The following PAMR1 variants were observed in gnomAD, a reference collection of about 807,000 sequenced individuals.
PAMR1 encodes the protein inactive serine protease PAMR1.
PAMR1 carries 88 observed loss-of-function variants against 81.8 expected under a neutral mutation model. That is an observed-to-expected ratio of 1.08 (90% confidence interval 0.91 to 1.28). The LOEUF is 1.28. Ranked by LOEUF, PAMR1 falls within the 50% of genes most tolerant of loss-of-function variation. PAMR1 has a pLI of 0.00. For missense variants in PAMR1, 935 were observed against 919.7 expected, an observed-to-expected ratio of 1.02 and a Z score of -0.21; for synonymous variants, 336 against 345.3, an observed-to-expected ratio of 0.97 and a Z score of 0.30.
intron 6 of PAMR1, among the ~76,000 whole-genome samples, chr11:35,463,549 G>A (rs978690699): frequency 6.6e-6 from 1 of 152,194 alleles, no homozygotes; most frequent in African/African-American, 2.4e-5. Flanking sequence ...TTGTTGTTGT[G>A]TTCCATACAA....
In PAMR1 at chr11:35,432,666, C is replaced by T. The variant is rs199759649; in HGVS notation, c.1853G>A (p.Arg618His). 2.0e-5 allele frequency: 33 copies of T among 1,613,608 alleles called. No individual in the cohort carries two copies. In the East Asian group the frequency reaches 3.3e-4, roughly 16 times the overall value. ...RSPGFKNDTLRSGVVSVVDSL... is the reference protein window; with the variant it reads ...RSPGFKNDTLHSGVVSVVDSL... ...GTCCACCACACTGACCACCCCAGAG[C>T]GCAGTGTGTCGTTCTTGAAGCCAGG... The change falls in exon 11 of 11, where the codon CGC becomes CAC. Residue 618 changes from arginine (R) to histidine (H), a missense_variant. Physicochemically the swap from Arg to His is conservative, Grantham distance 29. Coordinates refer to ENST00000619888, the MANE Select transcript of PAMR1 (RefSeq NM_001001991.3).
chr11:35,516,249 G>A (rs1851160929), intron 1 of PAMR1, among the ~76,000 whole-genome samples: 1 of 152,152 alleles, frequency 6.6e-6, no homozygotes, highest in African/African-American at 2.4e-5. Flanking sequence ...CCTGATCAGT[G>A]TTTCAAACCA....
Position 35,434,512 on chromosome 11 carries a change from C to G in PAMR1, c.1626G>C (p.Gln542His), listed in dbSNP as rs745399689. Residue 542 changes from glutamine to histidine, a missense_variant and splice_region_variant, in exon 10 of 11, where the codon CAG becomes CAC. Coordinates refer to ENST00000619888, the MANE Select transcript of PAMR1 (RefSeq NM_001001991.3). ...DRDEKTIQSL[Q>H]ISAIILHPNY... is the part of the protein sequence containing the mutation. ...CTTCCAAGTGCAAGCCCTCTCTTAC[C>G]TGTAGGCTCTGGATGGTCTTCTCAT... 6.2e-7 allele frequency: 1 copy of G among 1,612,748 alleles called. No homozygotes were observed. The highest frequency in any genetic ancestry group is 1.1e-5 in the South Asian group (1 of 90,960).
chr11:35,507,323 AC>A (rs1420826240), intron 1 of PAMR1, among the ~76,000 whole-genome samples: 2 of 152,000 alleles, frequency 1.3e-5, no homozygotes, highest in African/African-American at 4.8e-5. Context: ...CTGGGATTAC[AC>A]GCATGAGCCA....
At chr11:35,525,314 G>C (rs1216265282) in intron 1 of PAMR1, among the ~76,000 whole-genome samples, 199 bp downstream of exon 1, 5 of 152,088 alleles carry the variant, frequency 3.3e-5, no homozygotes, top group Non-Finnish European at 7.4e-5. Context: ...GTCTCAGGGA[G>C]GGCCACAGGA....
chr11:35,461,879 C>A (rs1458035362), intron 6 of PAMR1, among the ~76,000 whole-genome samples: 1 of 152,170 alleles, frequency 6.6e-6, no homozygotes, highest in Non-Finnish European at 1.5e-5. Context: ...AGGCTCTGGG[C>A]TATCAAGTAC....
chr11:35,499,390 G>A (rs766819814), intron 1 of PAMR1, among the ~76,000 whole-genome samples: 6 of 152,006 alleles, frequency 3.9e-5, no homozygotes, highest in South Asian at 2.1e-4. Context: ...TTCACCCTGC[G>A]GCAAGCACTA....
intron 1 of PAMR1, among the ~76,000 whole-genome samples, chr11:35,495,191 T>G (rs1025571919): frequency 2.6e-5 from 4 of 152,248 alleles, no homozygotes; most frequent in African/African-American, 7.2e-5. Flanking sequence ...CGTGCCATTT[T>G]CATAGTACCT....
intron 7 of PAMR1, among the ~76,000 whole-genome samples, 192 bp downstream of exon 7, chr11:35,441,289 G>A (rs980837631): frequency 1.5e-4 from 22 of 150,932 alleles, no homozygotes; most frequent in African/African-American, 4.9e-4. Flanking sequence ...GGGAAAGCAG[G>A]TCCTCTTGAG....
At chr11:35,453,617 G>A (rs756321882) in intron 6 of PAMR1, among the ~76,000 whole-genome samples, 1 of 152,168 alleles carries the variant, frequency 6.6e-6, no homozygotes, top group Non-Finnish European at 1.5e-5. Flanking sequence ...CCTCATCAGA[G>A]CTCCTCCCCA....
chr11:35,488,520 C>G (rs1790103413), intron 3 of PAMR1, among the ~76,000 whole-genome samples: 2 of 150,760 alleles, frequency 1.3e-5, no homozygotes, highest in Admixed American at 1.3e-4. Context: ...TGCACCCGGC[C>G]TTTCCCATCT....
chr11:35,445,815 A>C (rs201226953), intron 6 of PAMR1, among the ~76,000 whole-genome samples: 1 of 152,134 alleles, frequency 6.6e-6, no homozygotes, highest in South Asian at 2.1e-4. Flanking sequence ...CATCTCTGAC[A>C]GGTTTTGTTA....
intron 3 of PAMR1, among the ~76,000 whole-genome samples, chr11:35,478,660 C>G (rs1394525895): frequency 6.6e-6 from 1 of 152,222 alleles, no homozygotes; most frequent in Non-Finnish European, 1.5e-5. Flanking sequence ...CTACACCTCT[C>G]TGTCTAGGGC....
chr11:35,461,833 T>C (rs1856661919), intron 6 of PAMR1, among the ~76,000 whole-genome samples: 1 of 152,110 alleles, frequency 6.6e-6, no homozygotes. Flanking sequence ...AGTGGCCCAC[T>C]AGCTAATGGT....
chr11:35,517,141 G>A (rs186081842), intron 1 of PAMR1, among the ~76,000 whole-genome samples: 1 of 152,216 alleles, frequency 6.6e-6, no homozygotes, highest in East Asian at 1.9e-4. Context: ...GCTAACAAAT[G>A]AGATTCACAG....
intron 6 of PAMR1, among the ~76,000 whole-genome samples, chr11:35,443,105 T>C (rs1409271498): frequency 6.6e-6 from 1 of 152,098 alleles, no homozygotes; most frequent in Non-Finnish European, 1.5e-5. Flanking sequence ...GACTCCCTGG[T>C]TTCCTTAAAA....
intron 3 of PAMR1, among the ~76,000 whole-genome samples, chr11:35,482,158 T>A (rs1297019684): frequency 1.3e-5 from 2 of 152,330 alleles, no homozygotes; most frequent in East Asian, 3.9e-4. Context: ...CTAGGGTTTT[T>A]ATAGTTTTGG....
At chr11:35,451,972 C>A in intron 6 of PAMR1, 1 of 670,808 alleles carries the variant, frequency 1.5e-6, no homozygotes, top group South Asian at 1.7e-5. Context: ...TTTAAGTCAC[C>A]CAGTCTATGG....
intron 1 of PAMR1, among the ~76,000 whole-genome samples, chr11:35,520,244 C>A (rs1814986837): frequency 6.6e-6 from 1 of 152,118 alleles, no homozygotes; most frequent in Non-Finnish European, 1.5e-5. Flanking sequence ...CCCACGTGGG[C>A]CCTGAGTCTG....
Sources: gnomAD v4.1 joint callset for allele counts (sites outside exome capture counted in the v4.1 genomes callset) on GRCh38, gnomAD v4.1.1 for gene constraint, MANE v1.5 for transcripts, NCBI Gene and HGNC (gene_info 2026-07-23, HGNC 2026-07-21) for gene names.